DOCK10: variants seen among roughly 807,000 people sequenced by gnomAD.
DOCK10 encodes dedicator of cytokinesis protein 10.
A neutral mutation model predicts 280.1 loss-of-function variants in DOCK10; 145 were observed. The ratio of observed to expected loss-of-function variants is 0.52; its 90% CI spans 0.45 to 0.59. The LOEUF is 0.59. Among genes scored for constraint, DOCK10 ranks in the 20% least tolerant of loss-of-function variants. The pLI, the probability that DOCK10 is intolerant of heterozygous loss-of-function variation, is 0.00. For missense variants in DOCK10, 2,368 were observed against 2,651.7 expected, an observed-to-expected ratio of 0.89 and a Z score of 2.35; for synonymous variants, 915 against 942.2, an observed-to-expected ratio of 0.97 and a Z score of 0.53.
chr2:224,875,229 G>A (rs1389037155), intron 8 of DOCK10, among the ~76,000 whole-genome samples: 1 of 152,156 alleles, frequency 6.6e-6, no homozygotes. Flanking sequence ...GCATACAGTA[G>A]TTGTGTTAAA....
chr2:224,834,004 T>G lies in DOCK10; in HGVS notation c.2964+146A>C, dbSNP rs1695426827. 3 of 598,764 alleles carry G rather than the reference T, an allele frequency of 5.0e-6. No homozygotes were observed. The African/African-American group carries it at 5.6e-5, about 11-fold the overall frequency. 37.1% of individuals were successfully genotyped at this position (598,764 alleles called of 1,614,324 possible). A position where few individuals can be genotyped will look rare whatever the true frequency, so the allele number is the denominator to read the frequency against. On this transcript the variant is annotated intron_variant, in intron 26 of 55. Coordinates refer to ENST00000258390, the MANE Select transcript of DOCK10 (RefSeq NM_014689.3). ...ATATAGATCTCTTTTGCTTAGTATC[T>G]TTATATGCTAAGTTTCAATATGAAC... is the stretch of plus-strand genomic sequence containing the variant.
intron 1 of DOCK10, among the ~76,000 whole-genome samples, chr2:224,988,862 C>T (rs1706048835): frequency 6.6e-6 from 1 of 152,150 alleles, no homozygotes; most frequent in Non-Finnish European, 1.5e-5. Flanking sequence ...ACTTAACTGC[C>T]TAAATTGGCT....
intron 14 of DOCK10, 70 bp from the exon 15 acceptor site, chr2:224,857,052 T>C: frequency 1.6e-6 from 2 of 1,277,282 alleles, no homozygotes; most frequent in Non-Finnish European, 2.1e-6. Flanking sequence ...AACGTGACTA[T>C]ATTAATTAAA....
chr2:224,979,139 G>C (rs1201889700), intron 1 of DOCK10, among the ~76,000 whole-genome samples: 1 of 152,146 alleles, frequency 6.6e-6, no homozygotes, highest in East Asian at 1.9e-4. Context: ...CAGAGATCCT[G>C]TTACTTCCCT....
At chr2:224,934,393 G>A (rs1702566057) in intron 1 of DOCK10, among the ~76,000 whole-genome samples, 1 of 152,170 alleles carries the variant, frequency 6.6e-6, no homozygotes, top group Non-Finnish European at 1.5e-5. Context: ...TCTTTCCAGT[G>A]AATTTGTTGA....
intron 19 of DOCK10, among the ~76,000 whole-genome samples, chr2:224,849,061 C>T (rs931173520): frequency 5.9e-5 from 9 of 152,100 alleles, no homozygotes; most frequent in African/African-American, 2.2e-4. Flanking sequence ...CCACAATCTC[C>T]GACTCCCTGG....
At chr2:225,039,686 TTCTCTCTC>T (rs5839087) in intron 1 of DOCK10, among the ~76,000 whole-genome samples, 62 of 149,954 alleles carry the variant, frequency 4.1e-4, no homozygotes, top group Middle Eastern at 3.4e-3. Flanking sequence ...GCTTCCTGTC[TTCTCTCTC>T]TCTCTCTCTC....
intron 4 of DOCK10, among the ~76,000 whole-genome samples, chr2:224,891,207 C>A (rs1359917485): frequency 6.6e-6 from 1 of 152,142 alleles, no homozygotes; most frequent in East Asian, 1.9e-4. Context: ...AATCTTTTAA[C>A]TTTTTCCTAG....
chr2:224,879,731 C>A (rs1698865585), intron 7 of DOCK10, among the ~76,000 whole-genome samples: 1 of 151,722 alleles, frequency 6.6e-6, no homozygotes, highest in African/African-American at 2.4e-5. Context: ...GCACTCCCAG[C>A]CTGGGTGACA....
chr2:224,975,998 T>TA (rs1705415627), intron 1 of DOCK10, among the ~76,000 whole-genome samples: 2 of 152,092 alleles, frequency 1.3e-5, no homozygotes, highest in Admixed American at 1.3e-4. Flanking sequence ...GCTGAGTGAG[T>TA]TACCCAGGGG....
intron 1 of DOCK10, among the ~76,000 whole-genome samples, chr2:224,997,633 C>T (rs891279810): frequency 1.2e-4 from 18 of 152,064 alleles, no homozygotes; most frequent in African/African-American, 4.1e-4. Context: ...GCAACAAGCT[C>T]GGCTCAAATG....
chr2:224,895,949 C>A (rs1489777436), intron 4 of DOCK10, among the ~76,000 whole-genome samples: 1 of 151,396 alleles, frequency 6.6e-6, no homozygotes, highest in Non-Finnish European at 1.5e-5. Flanking sequence ...GAATGCTATA[C>A]AGAATATTGT....
rs1574999458 is a variant in DOCK10 at position 224,887,923 on chromosome 2, G to T, written c.417-1392C>A. 2.0e-5 allele frequency among the ~76,000 whole-genome samples: 3 copies of T among 152,182 alleles called. 1 individual carries two copies. The East Asian group carries it at 5.8e-4, about 29-fold the overall frequency. The stretch of plus-strand genomic sequence containing the variant: ...ATGTGCTACTTTGCATCAGTTCATT[G>T]ACTTCTCCCTGTTTCCTCTCACCCC... On this transcript the variant is annotated intron_variant, in intron 4 of 55. Coordinates refer to ENST00000258390, the MANE Select transcript of DOCK10 (RefSeq NM_014689.3).
At chr2:224,874,846 G>C (rs1698522818) in intron 8 of DOCK10, 95 bp from the exon 9 acceptor site, 2 of 1,086,392 alleles carry the variant, frequency 1.8e-6, no homozygotes, top group Non-Finnish European at 1.4e-6. Flanking sequence ...AGGCTTAAGA[G>C]CTAAGAGGGA....
At chr2:224,963,146 T>C (rs1248538693) in intron 1 of DOCK10, among the ~76,000 whole-genome samples, 1 of 152,166 alleles carries the variant, frequency 6.6e-6, no homozygotes, top group Non-Finnish European at 1.5e-5. Context: ...CCAATCCGAT[T>C]TGAGCCATTG....
intron 3 of DOCK10, among the ~76,000 whole-genome samples, chr2:224,900,893 G>T: frequency 6.6e-6 from 1 of 152,182 alleles, no homozygotes; most frequent in South Asian, 2.1e-4. Flanking sequence ...AAATATATTA[G>T]GTCTGATTAT....
chr2:224,963,996 CTTTTTTT>C (rs66476455), intron 1 of DOCK10, among the ~76,000 whole-genome samples: 317 of 122,798 alleles, frequency 2.6e-3, no homozygotes, highest in African/African-American at 9.1e-3. Context: ...GTCTAAAATT[CTTTTTTT>C]TTTTTTTTTT....
chr2:224,860,247 T>G (rs999687706), intron 14 of DOCK10, among the ~76,000 whole-genome samples: 9 of 152,140 alleles, frequency 5.9e-5, no homozygotes, highest in Admixed American at 5.9e-4. Flanking sequence ...TTCTCCTAAC[T>G]TCTCAGGTTC....
At chr2:225,003,220 T>G (rs1418219369) in intron 1 of DOCK10, among the ~76,000 whole-genome samples, 2 of 152,122 alleles carry the variant, frequency 1.3e-5, no homozygotes, top group African/African-American at 4.8e-5. Flanking sequence ...AATGTTTGTA[T>G]TTTTAGTAGA....
Sources: allele counts gnomAD v4.1 joint callset (sites outside exome capture counted in the v4.1 genomes callset), GRCh38; gene constraint gnomAD v4.1.1; transcripts MANE v1.5; gene names NCBI Gene and HGNC (gene_info 2026-07-23, HGNC 2026-07-21).